The following DYNC1I1 variants were observed in gnomAD, a reference collection of about 807,000 sequenced individuals.
DYNC1I1 encodes the protein cytoplasmic dynein 1 intermediate chain 1.
DYNC1I1 carries 43 observed loss-of-function variants against 86.6 expected under a neutral mutation model. That is an observed-to-expected ratio of 0.50 (90% CI 0.39 to 0.64). The LOEUF (loss-of-function observed/expected upper bound fraction) is 0.64, where lower values mean the gene tolerates loss of function less well. DYNC1I1 is among the 30% of genes least tolerant of loss of function. The pLI is 0.00. For missense variants in DYNC1I1, 604 were observed against 788.8 expected (o/e 0.77, Z 2.81); for synonymous variants, 262 against 283.7 (o/e 0.92, Z 0.77).
At position 95,813,260 on chromosome 7, in the gene DYNC1I1, G is replaced by A. The variant is rs747655707; in HGVS notation, c.237G>A (p.Met79Ile). 2.5e-6 allele frequency: 4 copies of A among 1,612,310 alleles called. No individual in the cohort carries two copies. In the African/African-American group the frequency reaches 5.4e-5, roughly 22 times the overall value. Residue 79 changes from methionine (M) to isoleucine (I), a missense_variant, in exon 4 of 17, where the codon ATG becomes ATA. Physicochemically the swap from Met to Ile is conservative, Grantham distance 10. Coordinates refer to ENST00000447467, the MANE Select transcript of DYNC1I1 (RefSeq NM_001135556.2). Reference sequence around the variant, plus strand: ...TTCATTATTTAGTCCCAACCCCTATGTCTCCCTCCTCGAAATCAGTGAGCA... The same window carrying A: ...TTCATTATTTAGTCCCAACCCCTATATCTCCCTCCTCGAAATCAGTGAGCA... ...SPEPPLVPTP[M>I]SPSSKSVSTP...
rs574351037 is a variant in DYNC1I1 at position 96,061,710 on chromosome 7, T to A, written c.1510-14347T>A. 2.6e-3 allele frequency among the ~76,000 whole-genome samples: 292 copies of A among 112,696 alleles called. 2 individuals carry two copies. The highest frequency in any genetic ancestry group is 9.3e-3 in the African/African-American group (242 of 25,938). The allele number at this position is 112,696 out of a possible 152,430, so 73.9% of individuals were successfully genotyped here. Reference sequence around the variant, plus strand: ...CCCTCCCTCCCTCTCTCTCTCTCTCTCTCACACACACACACACACACACAC... The same window carrying A: ...CCCTCCCTCCCTCTCTCTCTCTCTCACTCACACACACACACACACACACAC... On this transcript the variant is annotated intron_variant, in intron 14 of 16. Coordinates refer to ENST00000447467, the MANE Select transcript of DYNC1I1 (RefSeq NM_001135556.2).
intron 1 of DYNC1I1, among the ~76,000 whole-genome samples, chr7:95,794,717 T>G (rs1190226532): frequency 6.6e-6 from 1 of 152,148 alleles, no homozygotes; most frequent in Non-Finnish European, 1.5e-5. Context: ...GTAGTACAAT[T>G]TGGGTAGCTC....
intron 6 of DYNC1I1, among the ~76,000 whole-genome samples, chr7:95,922,761 G>GA (rs1403309814): frequency 6.6e-6 from 1 of 151,852 alleles, no homozygotes; most frequent in Non-Finnish European, 1.5e-5. Flanking sequence ...TCCAGGTTTT[G>GA]AAAAAACTAC....
intron 11 of DYNC1I1, among the ~76,000 whole-genome samples, chr7:96,028,708 T>C (rs892875559): frequency 6.6e-6 from 1 of 152,226 alleles, no homozygotes; most frequent in African/African-American, 2.4e-5. Flanking sequence ...GGATGATATA[T>C]GGGACTTTTG....
rs1788963076 is a variant in DYNC1I1 at position 96,039,201 on chromosome 7, T to C, written c.1365-76T>C. The stretch of plus-strand genomic sequence containing the variant: ...TGGAGATGCAGAGTTGAGGGTTTTT[T>C]GTTTTGTTTTGTTTTTAAGCAATCA... On this transcript the variant is annotated intron_variant, in intron 13 of 16. Coordinates refer to ENST00000447467, the MANE Select transcript of DYNC1I1 (RefSeq NM_001135556.2). 4 of 1,500,602 alleles carry C rather than the reference T, an allele frequency of 2.7e-6. No individual in the cohort carries two copies. The East Asian group carries it at 9.4e-5, about 35-fold the overall frequency. 93.0% of individuals were successfully genotyped at this position (1,500,602 alleles called of 1,614,324 possible).
chr7:96,066,972 G>T (rs890256621), intron 14 of DYNC1I1, among the ~76,000 whole-genome samples: 3 of 152,208 alleles, frequency 2.0e-5, no homozygotes, highest in East Asian at 3.9e-4. Context: ...AAGTAAGTTG[G>T]ATTATTTTAA....
intron 4 of DYNC1I1, among the ~76,000 whole-genome samples, chr7:95,813,603 T>C (rs1794882431): frequency 6.6e-6 from 1 of 152,130 alleles, no homozygotes; most frequent in South Asian, 2.1e-4. Context: ...ACATATCCAT[T>C]AGCTTAGGCT....
At chr7:96,098,882 C>T (rs893403647), downstream of DYNC1I1, among the ~76,000 whole-genome samples, 1 of 152,170 alleles carries the variant, frequency 6.6e-6, no homozygotes, top group Non-Finnish European at 1.5e-5. Context: ...CATTCGAAGA[C>T]AGGCTTTCGG....
intron 6 of DYNC1I1, among the ~76,000 whole-genome samples, chr7:95,921,887 T>TC (rs1791619972): frequency 6.6e-6 from 1 of 152,218 alleles, no homozygotes; most frequent in Non-Finnish European, 1.5e-5. Context: ...GAGCAACTGC[T>TC]TTGTGCAATT....
At chr7:96,100,540 A>G (rs763042078), downstream of DYNC1I1, among the ~76,000 whole-genome samples, 7 of 152,116 alleles carry the variant, frequency 4.6e-5, no homozygotes, top group Non-Finnish European at 7.3e-5. Flanking sequence ...AAAAATTAGC[A>G]TGTACCATTA....
Position 95,964,361 on chromosome 7 carries a change from G to C in DYNC1I1, c.491-13151G>C, listed in dbSNP as rs190450947. On this transcript the variant is annotated intron_variant, in intron 6 of 16. Transcript: ENST00000447467. ...GCATCTATGACAAAGTTGGTGGTGGGCATGAGGCAGGGGGATGTCCTGATT... is the reference window on the plus strand; with the variant it reads ...GCATCTATGACAAAGTTGGTGGTGGCCATGAGGCAGGGGGATGTCCTGATT... Among the ~76,000 whole-genome samples the C allele has an allele frequency of 6.6e-3, 1,012 of 152,282 alleles. 14 individuals carry two copies. Among genetic ancestry groups the C allele is most frequent in the African/African-American group, 0.023 (937 of 41,568 alleles).
intron 11 of DYNC1I1, 79 bp downstream of exon 11, chr7:96,028,400 T>A (rs1337308618): frequency 5.3e-6 from 8 of 1,521,532 alleles, no homozygotes; most frequent in Non-Finnish European, 6.2e-6. Flanking sequence ...AAAGTATGGA[T>A]GTTTTCAGTA....
intron 5 of DYNC1I1, among the ~76,000 whole-genome samples, chr7:95,848,606 A>G (rs1429417064): frequency 1.3e-5 from 2 of 151,952 alleles, no homozygotes; most frequent in Non-Finnish European, 2.9e-5. Context: ...TGTAAGCCAC[A>G]TTTTCCTTAC....
intron 10 of DYNC1I1, among the ~76,000 whole-genome samples, chr7:96,020,099 A>C (rs1427608182): frequency 6.5e-5 from 4 of 61,304 alleles, no homozygotes; most frequent in Admixed American, 4.2e-4. Flanking sequence ...AAGAAAGCCA[A>C]AAAAAAAAAA....
chr7:96,040,536 A>G (rs1164723836), intron 14 of DYNC1I1, among the ~76,000 whole-genome samples: 2 of 152,106 alleles, frequency 1.3e-5, no homozygotes, highest in Non-Finnish European at 2.9e-5. Flanking sequence ...CACTCACTGC[A>G]CTGGAGAACA....
chr7:96,017,232 T>A (rs534232461), intron 10 of DYNC1I1, among the ~76,000 whole-genome samples: 11 of 152,336 alleles, frequency 7.2e-5, no homozygotes, highest in Middle Eastern at 3.4e-3. Context: ...TTTAGACATT[T>A]GATTTAAAGA....
At chr7:95,933,042 G>A (rs1368929029) in intron 6 of DYNC1I1, among the ~76,000 whole-genome samples, 2 of 151,586 alleles carry the variant, frequency 1.3e-5, no homozygotes, top group East Asian at 3.9e-4. Context: ...CATCACACTT[G>A]GCTAATTTTT....
At chr7:95,839,925 T>C (rs934086565) in intron 5 of DYNC1I1, among the ~76,000 whole-genome samples, 2 of 152,168 alleles carry the variant, frequency 1.3e-5, no homozygotes, top group African/African-American at 4.8e-5. Flanking sequence ...ATGATTTCTA[T>C]TGAAAAATCG....
chr7:95,857,835 C>G (rs1789766507), intron 5 of DYNC1I1, among the ~76,000 whole-genome samples: 1 of 152,232 alleles, frequency 6.6e-6, no homozygotes, highest in African/African-American at 2.4e-5. Context: ...TCACCCATCA[C>G]TTTCACATTA....
Sources: allele counts gnomAD v4.1 joint callset (sites outside exome capture counted in the v4.1 genomes callset), GRCh38; gene constraint gnomAD v4.1.1; transcripts MANE v1.5; gene names NCBI Gene and HGNC (gene_info 2026-07-23, HGNC 2026-07-21).